The following PINK1 variants were observed in gnomAD, a reference collection of about 807,000 sequenced individuals.
PINK1 encodes serine/threonine-protein kinase PINK1, mitochondrial.
Under a neutral mutation model 56.0 loss-of-function variants are expected in PINK1, and 58 were observed. That is an observed-to-expected ratio of 1.04 (90% CI 0.84 to 1.29). The LOEUF (loss-of-function observed/expected upper bound fraction) is 1.29, where lower values mean the gene tolerates loss of function less well. Ranked by LOEUF, PINK1 falls within the 50% of genes most tolerant of loss-of-function variation. The pLI, the probability that PINK1 is intolerant of heterozygous loss-of-function variation, is 0.00. For missense variants in PINK1, 745 were observed against 777.9 expected (o/e 0.96, Z 0.50); for synonymous variants, 354 against 339.3 (o/e 1.04, Z -0.48).
At chr1:20,647,426 G>C (rs2053196959) in intron 5 of PINK1, among the ~76,000 whole-genome samples, 2 of 149,554 alleles carry the variant, frequency 1.3e-5, no homozygotes, top group African/African-American at 4.9e-5. Flanking sequence ...CAAAATGTTG[G>C]GATTACAGGT....
chr1:20,633,766 C>A lies in PINK1; in HGVS notation c.218C>A (p.Ser73Ter). ...AACCGTCTCCGCTTCTTCCGCCAGT[C>A]GGTGGCCGGGCTGGCGGCGCGGTTG... The part of the protein sequence containing the change: ...LPNRLRFFRQ[S>*]VAGLAARLQR... The change falls in exon 1 of 8, where the codon TCG (serine) becomes TAG (stop). Residue 73 changes from serine to a stop codon, truncating the protein, a stop_gained. Transcript: ENST00000321556. LOFTEE classifies it high-confidence loss of function. The A allele has an allele frequency of 1.3e-6, 2 of 1,559,062 alleles. No individual in the cohort carries two copies. The highest frequency in any genetic ancestry group is 1.2e-5 in the South Asian group (1 of 85,756).
chr1:20,644,773 C>G, intron 4 of PINK1, 101 bp downstream of exon 4: 1 of 1,437,054 alleles, frequency 7.0e-7, no homozygotes, highest in Non-Finnish European at 9.5e-7. Flanking sequence ...TTTTGGAGAA[C>G]AGGGTCATCA....
At chr1:20,637,468 AGGAGCC>A (rs2053067979) in intron 1 of PINK1, among the ~76,000 whole-genome samples, 1 of 152,194 alleles carries the variant, frequency 6.6e-6, no homozygotes, top group Non-Finnish European at 1.5e-5. Flanking sequence ...CTAGTTGCCC[AGGAGCC>A]GTCAGCCAAG....
Position 20,650,709 on chromosome 1 carries a change from G to C in PINK1, c.*18G>C. The C allele has an allele frequency of 6.2e-7, 1 of 1,611,436 alleles. No homozygotes were observed. Among genetic ancestry groups the C allele is most frequent in the Non-Finnish European group, 8.5e-7 (1 of 1,179,774 alleles). On this transcript the variant is annotated 3_prime_UTR_variant, in exon 8 of 8. Coordinates refer to ENST00000321556, the MANE Select transcript of PINK1 (RefSeq NM_032409.3). The stretch of plus-strand genomic sequence containing the variant: ...CCCTGTGATGTCCCTGCATGGAGCT[G>C]GTGAATTACTAAAAGAACATGGCAT...
rs1570405104 is a variant in PINK1, at chr1:20,645,732, C to A, written c.1123+9C>A. ...TGTGGAGCTGGACCCAGGTAGGAACCTGCTGCACCATCAGAGCTCTCCAGG... is the reference window on the plus strand; with the variant it reads ...TGTGGAGCTGGACCCAGGTAGGAACATGCTGCACCATCAGAGCTCTCCAGG... On this transcript the variant is annotated intron_variant, in intron 5 of 7. Transcript: ENST00000321556. 6.2e-7 allele frequency: 1 copy of A among 1,614,132 alleles called. No individual in the cohort carries two copies. Among genetic ancestry groups the A allele is most frequent in the Non-Finnish European group, 8.5e-7 (1 of 1,180,020 alleles).
chr1:20,637,386 T>C (rs1045672960), intron 1 of PINK1, among the ~76,000 whole-genome samples: 8 of 152,176 alleles, frequency 5.3e-5, no homozygotes, highest in African/African-American at 1.9e-4. Flanking sequence ...ATCCCTCTGC[T>C]CTGGGGATGC....
In PINK1 at chr1:20,650,664, C is replaced by T. The variant is rs201936304; in HGVS notation, c.1719C>T (p.Leu573=). 28 of 1,614,068 alleles carry T rather than the reference C, an allele frequency of 1.7e-5. No individual in the cohort carries two copies. The African/African-American group carries it at 3.2e-4, about 18-fold the overall frequency. The change falls in exon 8 of 8, where the codon CTC becomes CTT. Residue 573 remains leucine (L), a synonymous_variant. Transcript: ENST00000321556. ...ECETLCQAAL[L]LCSWRAAL The stretch of plus-strand genomic sequence containing the variant: ...AAACGCTCTGCCAGGCAGCCCTCCT[C>T]CTCTGCTCATGGAGGGCAGCCCTGT...
chr1:20,633,547 C>T lies in PINK1; in HGVS notation c.-2C>T. ...GCGGGGGCACCGGGCCGCGGCGCCA[C>T]CATGGCGGTGCGACAGGCGCTGGGC... On this transcript the variant is annotated 5_prime_UTR_variant, in exon 1 of 8. Transcript: ENST00000321556. The T allele has an allele frequency of 1.7e-6, 2 of 1,170,560 alleles. No homozygotes were observed. Among genetic ancestry groups the T allele is most frequent in the Non-Finnish European group, 2.1e-6 (2 of 948,790 alleles). 72.5% of individuals were successfully genotyped at this position (1,170,560 alleles called of 1,614,324 possible). A position where few individuals can be genotyped will look rare whatever the true frequency, so the allele number is the denominator to read the frequency against.
intron 1 of PINK1, among the ~76,000 whole-genome samples, chr1:20,635,470 C>T (rs1008372784): frequency 1.3e-5 from 2 of 151,878 alleles, no homozygotes; most frequent in Non-Finnish European, 2.9e-5. Flanking sequence ...CACTGCACTC[C>T]AGCCTGGGTG....
At position 20,649,200 on chromosome 1, in the gene PINK1, T is replaced by C; in HGVS notation, c.1457T>C (p.Val486Ala). 6.2e-7 allele frequency: 1 copy of C among 1,614,118 alleles called. No homozygotes were observed. The highest frequency in any genetic ancestry group is 8.5e-7 in the Non-Finnish European group (1 of 1,179,998). Residue 486 changes from valine (V) to alanine (A), a missense_variant, in exon 7 of 8, where the codon GTG becomes GCG. Physicochemically the swap from Val to Ala is moderately conservative, Grantham distance 64. Coordinates refer to ENST00000321556, the MANE Select transcript of PINK1 (RefSeq NM_032409.3). ...ESVPPDVRQLVRALLQREASK... is the reference protein window; with the variant it reads ...ESVPPDVRQLARALLQREASK... ...GTGCCTCCAGACGTGAGACAGTTGG[T>C]GAGGGCACTGCTCCAGCGAGAGGCC...
At chr1:20,644,177 T>TA (rs2053148483) in intron 3 of PINK1, among the ~76,000 whole-genome samples, 1 of 152,126 alleles carries the variant, frequency 6.6e-6, no homozygotes, top group Admixed American at 6.6e-5. Context: ...AGACCTGGAA[T>TA]GCAAACCCAG....
chr1:20,633,506 GGCGGCAGCGGCGGC>G lies in PINK1; in HGVS notation c.-42_-29del. 1 of 1,116,436 alleles carries G rather than the reference GGCGGCAGCGGCGGC, an allele frequency of 9.0e-7. No individual in the cohort carries two copies. Among genetic ancestry groups the G allele is most frequent in the Non-Finnish European group, 1.1e-6 (1 of 915,054 alleles). 69.2% of individuals were successfully genotyped at this position (1,116,436 alleles called of 1,614,324 possible). A position where few individuals can be genotyped will look rare whatever the true frequency, so the allele number is the denominator to read the frequency against. On this transcript the variant is annotated 5_prime_UTR_variant, in exon 1 of 8. Transcript: ENST00000321556. ...GTGACCGGCGGGGGACGCCGGTGGT[GGCGGCAGCGGCGGC>G]TGCGGGGGCACCGGGCCGCGGCGCC...
In PINK1 at chr1:20,650,667, C is replaced by G. The variant is rs1215783008; in HGVS notation, c.1722C>G (p.Leu574=). The G allele has an allele frequency of 6.2e-7, 1 of 1,614,028 alleles. No homozygotes were observed. Among genetic ancestry groups the G allele is most frequent in the Non-Finnish European group, 8.5e-7 (1 of 1,180,030 alleles). ...CGCTCTGCCAGGCAGCCCTCCTCCT[C>G]TGCTCATGGAGGGCAGCCCTGTGAT... ...CETLCQAALL[L]CSWRAAL is the part of the protein sequence containing the mutation. Residue 574 remains leucine (L), a synonymous_variant, in exon 8 of 8, where the codon CTC becomes CTG. Coordinates refer to ENST00000321556, the MANE Select transcript of PINK1 (RefSeq NM_032409.3).
At chr1:20,648,773 T>G in intron 6 of PINK1, 141 bp downstream of exon 6, 1 of 1,450,302 alleles carries the variant, frequency 6.9e-7, no homozygotes, top group Non-Finnish European at 9.4e-7. Flanking sequence ...TCCCTGCCAC[T>G]TTGCTTTCCT....
Position 20,633,916 on chromosome 1 carries a change from C to T in PINK1, c.368C>T (p.Ser123Leu), listed in dbSNP as rs772239179. 1.3e-6 allele frequency: 2 copies of T among 1,578,992 alleles called. No individual in the cohort carries two copies. Among genetic ancestry groups the T allele is most frequent in the Admixed American group, 1.8e-5 (1 of 55,956 alleles). ...CAGGCGGAGAGCCGGCGGGCGGTCT[C>T]GGCCTGTCAGGAGATCCAGGTGAGC... ...EKQAESRRAV[S>L]ACQEIQAIFT... The change falls in exon 1 of 8, where the codon TCG becomes TTG. Residue 123 changes from serine to leucine, a missense_variant. Ser to Leu is a moderately radical substitution (Grantham distance 145). Coordinates refer to ENST00000321556, the MANE Select transcript of PINK1 (RefSeq NM_032409.3).
chr1:20,648,923 C>A, intron 6 of PINK1, 72 bp from the exon 7 acceptor site: 1 of 1,497,504 alleles, frequency 6.7e-7, no homozygotes, highest in South Asian at 1.1e-5. Context: ...GCCCATGGAT[C>A]AGGTGATGTG....
intron 1 of PINK1, among the ~76,000 whole-genome samples, chr1:20,634,285 G>A (rs996090699): frequency 1.3e-5 from 2 of 152,136 alleles, no homozygotes; most frequent in African/African-American, 4.8e-5. Flanking sequence ...CTAATTTATG[G>A]AGAAGGAAAG....
intron 2 of PINK1, 49 bp from the exon 3 acceptor site, chr1:20,639,843 C>T (rs775745846): frequency 1.3e-6 from 2 of 1,545,788 alleles, no homozygotes; most frequent in African/African-American, 1.4e-5. Flanking sequence ...AAGGAACTTA[C>T]CATTCTGCTC....
Position 20,648,642 on chromosome 1 carries a change from G to A in PINK1, c.1251+10G>A, listed in dbSNP as rs192131551. The stretch of plus-strand genomic sequence containing the variant: ...TCTGATGGCCCCAGAGGTGAGTCCC[G>A]AGTGTGTCATGCGCCATCGGCAGCC... On this transcript the variant is annotated intron_variant, in intron 6 of 7. Transcript: ENST00000321556. The A allele has an allele frequency of 1.2e-4, 192 of 1,613,332 alleles. 1 individual carries two copies. Among genetic ancestry groups the A allele is most frequent in the Middle Eastern group, 8.3e-4 (5 of 6,034 alleles).
Sources: allele counts gnomAD v4.1 joint callset (sites outside exome capture counted in the v4.1 genomes callset), GRCh38; gene constraint gnomAD v4.1.1; transcripts MANE v1.5; gene names NCBI Gene and HGNC (gene_info 2026-07-23, HGNC 2026-07-21).